Variants in BIN2 observed in about 807,000 individuals in gnomAD.
The protein encoded by BIN2 is bridging integrator 2, also known as breast cancer associated protein BRAP1.
A neutral mutation model predicts 67.9 loss-of-function variants in BIN2; 43 were observed. That is an observed-to-expected ratio of 0.63 (90% confidence interval 0.50 to 0.82). The LOEUF is 0.82. Ranked by LOEUF, BIN2 falls within the 40% of genes least tolerant of loss-of-function variation. The pLI, the probability that BIN2 is intolerant of heterozygous loss-of-function variation, is 0.00. For synonymous variants in BIN2, 244 were observed against 246.8 expected (o/e 0.99, Z 0.11); for missense variants, 581 against 671.6 (o/e 0.87, Z 1.49).
At chr12:51,286,917 T>C (rs1376998535) in intron 11 of BIN2, among the ~76,000 whole-genome samples, 1 of 150,782 alleles carries the variant, frequency 6.6e-6, no homozygotes, top group Non-Finnish European at 1.5e-5. Context: ...TTGACCTCCC[T>C]GGGCTCAGGT....
chr12:51,291,919 T>A lies in BIN2; in HGVS notation c.1187A>T (p.Glu396Val). The change falls in exon 10 of 13, where the codon GAA becomes GTA. Residue 396 changes from glutamate (E) to valine (V), a missense_variant. Glu to Val is a moderately radical substitution (Grantham distance 121). Coordinates refer to ENST00000615107, the MANE Select transcript of BIN2 (RefSeq NM_016293.4). ...TCTCTTCTTTGGTTGTTCAGATCCT[T>A]CACTTGCGGTGCGGGTTCGGAGGAC... ...EVVLRTRTASEGSEQPKKRAS... is the reference protein window; with the variant it reads ...EVVLRTRTASVGSEQPKKRAS... The A allele has an allele frequency of 6.2e-7, 1 of 1,614,198 alleles. No homozygotes were observed. The highest frequency in any genetic ancestry group is 8.5e-7 in the Non-Finnish European group (1 of 1,180,024).
At chr12:51,288,309 G>T in intron 10 of BIN2, 121 bp from the exon 11 acceptor site, 1 of 715,742 alleles carries the variant, frequency 1.4e-6, no homozygotes, top group Non-Finnish European at 2.4e-6. Context: ...GGTAGCCTTG[G>T]TCAGACACAG....
chr12:51,295,933 A>G (rs928053520), intron 8 of BIN2, 55 bp from the exon 9 acceptor site: 2 of 1,420,192 alleles, frequency 1.4e-6, no homozygotes, highest in African/African-American at 2.8e-5. Flanking sequence ...CGAGAGTGGC[A>G]TATCCCTTCT....
chr12:51,302,806 C>A, intron 3 of BIN2, 26 bp from the exon 4 acceptor site: 2 of 1,572,760 alleles, frequency 1.3e-6, no homozygotes, highest in Middle Eastern at 1.7e-4. Flanking sequence ...TCAGTCCCAC[C>A]ATCATGTTTC....
Position 51,324,115 on chromosome 12 carries a change from C to T in BIN2, c.-13G>A, listed in dbSNP as rs1297522783. On this transcript the variant is annotated 5_prime_UTR_variant, in exon 1 of 13. Coordinates refer to ENST00000615107, the MANE Select transcript of BIN2 (RefSeq NM_016293.4). ...TGCCCTCTGCCATCCTGCCAACTCC[C>T]TGGGGGCCGCCGCCCTGGCCCCGCG... is the stretch of plus-strand genomic sequence containing the variant. 6.2e-7 allele frequency: 1 copy of T among 1,611,976 alleles called. No homozygotes were observed. The highest frequency in any genetic ancestry group is 1.3e-5 in the African/African-American group (1 of 74,824).
At chr12:51,302,977 G>C in intron 3 of BIN2, 110 bp downstream of exon 3, 3 of 1,333,934 alleles carry the variant, frequency 2.2e-6, no homozygotes, top group Non-Finnish European at 3.2e-6. Context: ...GTCAAGAGTA[G>C]TCAAATGATA....
chr12:51,302,439 A>C (rs2137399323), intron 4 of BIN2: 1 of 538,620 alleles, frequency 1.9e-6, no homozygotes, highest in Middle Eastern at 5.1e-4. Context: ...TTAGGAGGTA[A>C]AACTTCCCAT....
chr12:51,314,205 G>A (rs1490234990), intron 1 of BIN2, among the ~76,000 whole-genome samples: 6 of 151,800 alleles, frequency 4.0e-5, no homozygotes, highest in Non-Finnish European at 7.4e-5. Flanking sequence ...GTACCACCAC[G>A]CCCAGCTAAT....
intron 1 of BIN2, among the ~76,000 whole-genome samples, chr12:51,315,378 T>C (rs7971409): frequency 0.19 from 28,220 of 152,058 alleles, 2,751 homozygotes; most frequent in South Asian, 0.24. Context: ...TTCACCTTGT[T>C]AGCCAAGATA....
chr12:51,320,971 T>G (rs3916138), intron 1 of BIN2, among the ~76,000 whole-genome samples: 1 of 146,474 alleles, frequency 6.8e-6, no homozygotes, highest in Admixed American at 6.8e-5. Context: ...ACACACACAC[T>G]CTAAAGCCAG....
intron 2 of BIN2, among the ~76,000 whole-genome samples, chr12:51,306,472 C>G (rs1945868658): frequency 6.6e-6 from 1 of 152,078 alleles, no homozygotes; most frequent in Admixed American, 6.6e-5. Flanking sequence ...ACTAAAGATA[C>G]AAAAATTAGC....
At chr12:51,295,392 CAAA>C (rs1178848004) in intron 9 of BIN2, among the ~76,000 whole-genome samples, 26,051 of 91,500 alleles carry the variant, frequency 0.28, 2,917 homozygotes, top group Middle Eastern at 0.38. Context: ...ACTAAAAATA[CAAA>C]AAAAAAAAAA....
At position 51,292,255 on chromosome 12, in the gene BIN2, A is replaced by C. The variant is rs758545409; in HGVS notation, c.851T>G (p.Leu284Arg). Reference protein sequence around the residue: ...PLTSPTSPSTLSLKSESESVS... With the variant: ...PLTSPTSPSTRSLKSESESVS... ...AGATTCACTCTCACTCTTCAAGGAA[A>C]GTGTAGAGGGACTAGTAGGTGAGGT... The change falls in exon 10 of 13, where the codon CTT (leucine) becomes CGT (arginine). Residue 284 changes from leucine to arginine, a missense_variant. Coordinates refer to ENST00000615107, the MANE Select transcript of BIN2 (RefSeq NM_016293.4). 31 of 1,604,210 alleles carry C rather than the reference A, an allele frequency of 1.9e-5. No homozygotes were observed. In the South Asian group the frequency reaches 3.2e-4, roughly 16 times the overall value.
chr12:51,295,931 G>T (rs1565676541), intron 8 of BIN2, 53 bp from the exon 9 acceptor site: 1 of 1,440,748 alleles, frequency 6.9e-7, no homozygotes, highest in Non-Finnish European at 9.8e-7. Context: ...CCCGAGAGTG[G>T]CATATCCCTT....
intron 9 of BIN2, among the ~76,000 whole-genome samples, chr12:51,294,170 T>TAAC: frequency 6.6e-6 from 1 of 152,278 alleles, no homozygotes; most frequent in South Asian, 2.1e-4. Flanking sequence ...AGAGCTATTA[T>TAAC]AACAACATGT....
chr12:51,303,368 C>T (rs567395307), intron 2 of BIN2, among the ~76,000 whole-genome samples: 1 of 152,270 alleles, frequency 6.6e-6, no homozygotes, highest in East Asian at 1.9e-4. Flanking sequence ...ATTACACTGG[C>T]GTCTTCCTTT....
At chr12:51,317,584 G>A (rs141427185) in intron 1 of BIN2, among the ~76,000 whole-genome samples, 9 of 152,172 alleles carry the variant, frequency 5.9e-5, no homozygotes, top group East Asian at 1.9e-4. Flanking sequence ...CAGGAGAATC[G>A]GTTAAAGGGT....
chr12:51,283,009 C>G (rs1463422867), intron 12 of BIN2, among the ~76,000 whole-genome samples: 1 of 151,784 alleles, frequency 6.6e-6, no homozygotes, highest in Non-Finnish European at 1.5e-5. Flanking sequence ...AGCATCCCAG[C>G]ACTTTGGGAG....
rs1401397429 is a variant in BIN2, at chr12:51,300,378, T to C, written c.409-664A>G. 4.6e-5 allele frequency among the ~76,000 whole-genome samples: 7 copies of C among 152,298 alleles called. No individual in the cohort carries two copies. In the South Asian group the frequency reaches 1.2e-3, roughly 27 times the overall value. On this transcript the variant is annotated intron_variant, in intron 5 of 12. Transcript: ENST00000615107. ...AAACTGGTTCAGCCTCCAGGAGAAA[T>C]GGCCTTGAGAATCACATGAAAGTGA... is the stretch of plus-strand genomic sequence containing the variant.
Sources: allele counts gnomAD v4.1 joint callset (sites outside exome capture counted in the v4.1 genomes callset), GRCh38; gene constraint gnomAD v4.1.1; transcripts MANE v1.5; gene names NCBI Gene and HGNC (gene_info 2026-07-23, HGNC 2026-07-21).